Variants in MEIS2 observed in about 807,000 individuals in gnomAD.
MEIS2 encodes homeobox protein Meis2.
MEIS2 carries 9 observed loss-of-function variants against 58.6 expected under a neutral mutation model. The ratio of observed to expected loss-of-function variants is 0.15; its 90% CI spans 0.09 to 0.27. The LOEUF (loss-of-function observed/expected upper bound fraction) is 0.27, where lower values mean the gene tolerates loss of function less well. MEIS2 is among the 10% of genes least tolerant of loss of function. MEIS2 has a pLI of 1.00. For synonymous variants in MEIS2, 221 were observed against 228.4 expected, an observed-to-expected ratio of 0.97 and a Z score of 0.29; for missense variants, 427 against 635.0, an observed-to-expected ratio of 0.67 and a Z score of 3.52.
chr15:36,940,139 C>G (rs1215308265), intron 9 of MEIS2, among the ~76,000 whole-genome samples: 1 of 152,146 alleles, frequency 6.6e-6, no homozygotes, highest in Non-Finnish European at 1.5e-5. Flanking sequence ...AGCTTTGGAA[C>G]TGGGGCATTT....
At chr15:37,025,178 A>G (rs1300704211) in intron 8 of MEIS2, among the ~76,000 whole-genome samples, 1 of 152,240 alleles carries the variant, frequency 6.6e-6, no homozygotes, top group Non-Finnish European at 1.5e-5. Context: ...GCTATGACAG[A>G]GCAAACTATT....
intron 8 of MEIS2, among the ~76,000 whole-genome samples, chr15:36,956,210 A>AG (rs1567104040): frequency 7.4e-6 from 1 of 134,970 alleles, no homozygotes; most frequent in Non-Finnish European, 1.6e-5. Context: ...AAAAAAAAAA[A>AG]GAGTCCAAAG....
At chr15:36,932,484 A>G (rs2058018538) in intron 9 of MEIS2, among the ~76,000 whole-genome samples, 1 of 152,190 alleles carries the variant, frequency 6.6e-6, no homozygotes, top group Admixed American at 6.5e-5. Flanking sequence ...CACCAAGAAA[A>G]TGAGGAATAG....
chr15:37,032,808 C>T (rs2061983603), intron 8 of MEIS2, among the ~76,000 whole-genome samples: 1 of 151,860 alleles, frequency 6.6e-6, no homozygotes, highest in Admixed American at 6.6e-5. Flanking sequence ...TAGTTCGAAA[C>T]AAAAAAATTG....
Position 36,933,023 on chromosome 15 carries a change from C to T in MEIS2, c.977+17301G>A, listed in dbSNP as rs192102789. Among the ~76,000 whole-genome samples, 12 of 152,252 alleles carry T rather than the reference C, an allele frequency of 7.9e-5. No individual in the cohort carries two copies. In the East Asian group the frequency reaches 1.5e-3, roughly 20 times the overall value. On this transcript the variant is annotated intron_variant, in intron 9 of 11. Transcript: ENST00000561208. Reference sequence around the variant, plus strand: ...GCCCATTAGTTTGACATGAAACACACGCTATGTTTGGGCCCCCTTCTCTCA... The same window carrying T: ...GCCCATTAGTTTGACATGAAACACATGCTATGTTTGGGCCCCCTTCTCTCA...
chr15:37,044,914 A>G (rs2062598369), intron 7 of MEIS2, among the ~76,000 whole-genome samples: 1 of 152,198 alleles, frequency 6.6e-6, no homozygotes, highest in Non-Finnish European at 1.5e-5. Flanking sequence ...TGATATCAAG[A>G]GCCTCTAGAT....
chr15:37,005,871 C>T (rs1300204060), intron 8 of MEIS2, among the ~76,000 whole-genome samples: 1 of 152,156 alleles, frequency 6.6e-6, no homozygotes, highest in Non-Finnish European at 1.5e-5. Flanking sequence ...TAACTTTTGA[C>T]AATGAGTTCC....
intron 9 of MEIS2, among the ~76,000 whole-genome samples, chr15:36,938,951 T>C (rs537862814): frequency 2.6e-5 from 4 of 152,296 alleles, no homozygotes; most frequent in African/African-American, 9.6e-5. Flanking sequence ...CTGTCCCCGC[T>C]GCAGCTCTGT....
intron 6 of MEIS2, among the ~76,000 whole-genome samples, chr15:37,084,848 C>T (rs1367947743): frequency 1.3e-5 from 2 of 152,148 alleles, no homozygotes; most frequent in African/African-American, 2.4e-5. Context: ...GGAATTTCCT[C>T]TGGCAGAAAC....
Position 37,066,127 on chromosome 15 carries a change from T to C in MEIS2, c.754+17644A>G, listed in dbSNP as rs970743665. Among the ~76,000 whole-genome samples, 4 of 152,284 alleles carry C rather than the reference T, an allele frequency of 2.6e-5. No individual in the cohort carries two copies. In the South Asian group the frequency reaches 6.2e-4, roughly 24 times the overall value. On this transcript the variant is annotated intron_variant, in intron 7 of 11. Transcript: ENST00000561208. ...CTCTTTTCTAATCAAAGTGACCCTA[T>C]GGATCTAACCAATATAAATTGGAAA...
chr15:36,943,364 C>G (rs958686269), intron 9 of MEIS2, among the ~76,000 whole-genome samples: 3 of 152,078 alleles, frequency 2.0e-5, no homozygotes, highest in Non-Finnish European at 4.4e-5. Context: ...AGGCTTGTGC[C>G]TAACACAGGA....
chr15:37,098,540 T>G (rs943088342), intron 1 of MEIS2: 8 of 445,086 alleles, frequency 1.8e-5, no homozygotes, highest in Non-Finnish European at 1.9e-5. Context: ...AAAATGTTAT[T>G]AAATTTAAAA....
intron 7 of MEIS2, among the ~76,000 whole-genome samples, chr15:37,049,964 T>A (rs1203573026): frequency 6.6e-6 from 1 of 152,168 alleles, no homozygotes; most frequent in African/African-American, 2.4e-5. Context: ...TATGGACAAA[T>A]ATATGTACTT....
chr15:36,961,822 A>AT (rs1208215125), intron 8 of MEIS2, among the ~76,000 whole-genome samples: 1 of 152,298 alleles, frequency 6.6e-6, no homozygotes, highest in Admixed American at 6.5e-5. Flanking sequence ...CACCAGCCAT[A>AT]TTTTTTTAAT....
At chr15:36,995,360 A>G (rs1344580783) in intron 8 of MEIS2, among the ~76,000 whole-genome samples, 1 of 152,172 alleles carries the variant, frequency 6.6e-6, no homozygotes, top group Non-Finnish European at 1.5e-5. Context: ...CTTCAAATGA[A>G]CTATGAAAGT....
At chr15:36,924,330 C>G (rs2057652135) in intron 9 of MEIS2, among the ~76,000 whole-genome samples, 1 of 152,170 alleles carries the variant, frequency 6.6e-6, no homozygotes, top group Non-Finnish European at 1.5e-5. Flanking sequence ...AAGCTGAACT[C>G]CCACCACTGT....
At chr15:36,925,708 A>G (rs1205448020) in intron 9 of MEIS2, among the ~76,000 whole-genome samples, 3 of 152,226 alleles carry the variant, frequency 2.0e-5, no homozygotes, top group African/African-American at 7.2e-5. Context: ...GCTCATAAAC[A>G]CAAGCTCTGC....
At chr15:36,969,982 T>G (rs762593796) in intron 8 of MEIS2, among the ~76,000 whole-genome samples, 50 of 152,182 alleles carry the variant, frequency 3.3e-4, no homozygotes, top group Non-Finnish European at 1.6e-4. Flanking sequence ...TTCATTTACT[T>G]TTTATAGCTG....
chr15:36,896,864 G>A (rs755264428), intron 9 of MEIS2, 178 bp from the exon 10 acceptor site: 2 of 589,976 alleles, frequency 3.4e-6, no homozygotes, highest in Non-Finnish European at 6.0e-6. Context: ...AATCTCCGTC[G>A]TCACTGCGTA....
Sources: allele counts gnomAD v4.1 joint callset (sites outside exome capture counted in the v4.1 genomes callset), GRCh38; gene constraint gnomAD v4.1.1; transcripts MANE v1.5; gene names NCBI Gene and HGNC (gene_info 2026-07-23, HGNC 2026-07-21).